Variants in SERF2 observed in about 807,000 individuals in gnomAD.
The protein encoded by SERF2 is gastric cancer-related protein VRG107.
In SERF2, 4 loss-of-function variants were observed where a neutral mutation model predicts 10.7. That is an observed-to-expected ratio of 0.37 (90% CI 0.18 to 0.86). The LOEUF (loss-of-function observed/expected upper bound fraction) is 0.86, where lower values mean the gene tolerates loss of function less well. Ranked by LOEUF, SERF2 falls within the 40% of genes least tolerant of loss-of-function variation. The pLI is 0.43. For missense variants in SERF2, 47 were observed against 79.1 expected, an observed-to-expected ratio of 0.59 and a Z score of 1.54; for synonymous variants, 26 against 26.0, an observed-to-expected ratio of 1.00 and a Z score of 0.01.
chr15:43,795,989 A>C lies in SERF2; in HGVS notation c.*2216A>C. ...GTTGTTGTGAGGGTTAAATTAAATG[A>C]GATTATGTAAAAGTATCTAGCACAG... is the stretch of plus-strand genomic sequence containing the variant. On this transcript the variant is annotated 3_prime_UTR_variant, in exon 3 of 3. Transcript: ENST00000249786. 1.5e-6 allele frequency: 1 copy of C among 659,044 alleles called. No homozygotes were observed. Among genetic ancestry groups the C allele is most frequent in the South Asian group, 1.9e-5 (1 of 52,748 alleles). 40.8% of individuals were successfully genotyped at this position (659,044 alleles called of 1,614,324 possible).
At chr15:43,792,550 AC>A in intron 1 of SERF2, 167 bp downstream of exon 1, 1 of 1,495,720 alleles carries the variant, frequency 6.7e-7, no homozygotes. Context: ...CCCTTTGCCC[AC>A]GGCTACTTCA....
At chr15:43,780,994 C>G (rs1410157190) in intron 1 of SERF2, among the ~76,000 whole-genome samples, 1 of 151,916 alleles carries the variant, frequency 6.6e-6, no homozygotes, top group Admixed American at 6.6e-5. Flanking sequence ...TTAAAGGAAG[C>G]ACTTGATGGC....
upstream of SERF2, among the ~76,000 whole-genome samples, chr15:43,787,915 C>T (rs1463215671): frequency 6.7e-6 from 1 of 148,616 alleles, no homozygotes; most frequent in Non-Finnish European, 1.5e-5. Context: ...CACTCTATCA[C>T]CCAGGCTGGA....
chr15:43,789,591 T>A (rs1049460086), upstream of SERF2, among the ~76,000 whole-genome samples: 5 of 152,224 alleles, frequency 3.3e-5, no homozygotes, highest in African/African-American at 1.2e-4. Context: ...AGAGTCTTCA[T>A]TCAAATTACA....
Position 43,794,224 on chromosome 15 carries a change from A to G in SERF2, c.*451A>G. ...TGACAACCAAACAAGTACTCCGGAT[A>G]TGCAGTAGAGGAATCCTCTAAGAAC... On this transcript the variant is annotated 3_prime_UTR_variant, in exon 3 of 3. Transcript: ENST00000249786. 2.1e-6 allele frequency: 1 copy of G among 475,586 alleles called. No homozygotes were observed. The allele number at this position is 475,586 out of a possible 1,614,324, so 29.5% of individuals were successfully genotyped here.
At chr15:43,791,026 C>T (rs2087053642), upstream of SERF2, among the ~76,000 whole-genome samples, 1 of 151,664 alleles carries the variant, frequency 6.6e-6, no homozygotes. Context: ...CCTCTGCCTC[C>T]CAAAGTGCTG....
Position 43,794,381 on chromosome 15 carries a change from G to A in SERF2, c.*608G>A, listed in dbSNP as rs1286583590. The A allele has an allele frequency of 5.9e-6, 1 of 168,320 alleles. No individual in the cohort carries two copies. Among genetic ancestry groups the A allele is most frequent in the African/African-American group, 2.4e-5 (1 of 41,918 alleles). 10.4% of individuals were successfully genotyped at this position (168,320 alleles called of 1,614,324 possible). A position where few individuals can be genotyped will look rare whatever the true frequency, so the allele number is the denominator to read the frequency against. On this transcript the variant is annotated 3_prime_UTR_variant, in exon 3 of 3. Coordinates refer to ENST00000249786, the MANE Select transcript of SERF2 (RefSeq NM_001018108.4). ...TTCCTCATTCTTCCTCAGTTTGTTC[G>A]TCTGCTTGAAAGTTGGCCAAAAAAT...
At position 43,796,059 on chromosome 15, in the gene SERF2, ATAATC is replaced by A; in HGVS notation, c.*2288_*2292del. ...TACTCAATAAAAGGTAACAGCAGCT[ATAATC>A]TGAGCATTCTGGGTAGAGGTTGGTA... On this transcript the variant is annotated 3_prime_UTR_variant, in exon 3 of 3. Coordinates refer to ENST00000249786, the MANE Select transcript of SERF2 (RefSeq NM_001018108.4). The A allele has an allele frequency of 2.2e-6, 2 of 902,486 alleles. No homozygotes were observed. The highest frequency in any genetic ancestry group is 2.8e-5 in the South Asian group (2 of 71,936). 55.9% of individuals were successfully genotyped at this position (902,486 alleles called of 1,614,324 possible).
At chr15:43,791,281 G>A (rs1321219068), upstream of SERF2, among the ~76,000 whole-genome samples, 1 of 150,202 alleles carries the variant, frequency 6.7e-6, no homozygotes, top group South Asian at 2.1e-4. Flanking sequence ...TCGCACTGTC[G>A]CCTGGGCTGG....
chr15:43,794,107 TC>T lies in SERF2; in HGVS notation c.*337del. 2 of 812,692 alleles carry T rather than the reference TC, an allele frequency of 2.5e-6. No homozygotes were observed. Among genetic ancestry groups the T allele is most frequent in the Non-Finnish European group, 3.7e-6 (2 of 536,464 alleles). 50.3% of individuals were successfully genotyped at this position (812,692 alleles called of 1,614,324 possible). A position where few individuals can be genotyped will look rare whatever the true frequency, so the allele number is the denominator to read the frequency against. On this transcript the variant is annotated 3_prime_UTR_variant, in exon 3 of 3. Transcript: ENST00000249786. The stretch of plus-strand genomic sequence containing the variant: ...TGGGGTTGGAAGAATGACTGCCCTT[TC>T]CCACCAAAAAAGGGAGAACTCTTTA...
intron 1 of SERF2, chr15:43,785,261 G>T (rs1278249936): frequency 6.7e-6 from 1 of 149,536 alleles, no homozygotes; most frequent in Non-Finnish European, 1.5e-5. Flanking sequence ...TAGAGATGAG[G>T]TTTCACCATG....
At chr15:43,784,473 C>T (rs1004879189) in intron 1 of SERF2, among the ~76,000 whole-genome samples, 4 of 151,830 alleles carry the variant, frequency 2.6e-5, no homozygotes, top group Non-Finnish European at 4.4e-5. Context: ...TTAATTAATT[C>T]GTTTGTTTGT....
At chr15:43,779,561 A>C (rs2141666138) in intron 1 of SERF2, among the ~76,000 whole-genome samples, 1 of 152,134 alleles carries the variant, frequency 6.6e-6, no homozygotes, top group Non-Finnish European at 1.5e-5. Context: ...GCACAATCAT[A>C]GTTCACTGCA....
Position 43,793,791 on chromosome 15 carries a change from C to T in SERF2, c.*18C>T. On this transcript the variant is annotated 3_prime_UTR_variant, in exon 3 of 3. Coordinates refer to ENST00000249786, the MANE Select transcript of SERF2 (RefSeq NM_001018108.4). ...CCAAGTAGCTTTGTGGCTTCGTGTC[C>T]AACCCTCTTGCCCTTCGCCTGTGTG... 6.2e-7 allele frequency: 1 copy of T among 1,614,162 alleles called. No homozygotes were observed. The highest frequency in any genetic ancestry group is 8.5e-7 in the Non-Finnish European group (1 of 1,180,022).
rs1372727406 is a variant in SERF2, at chr15:43,795,782, G to A, written c.*2009G>A. The A allele has an allele frequency of 1.3e-6, 2 of 1,591,822 alleles. No individual in the cohort carries two copies. Among genetic ancestry groups the A allele is most frequent in the East Asian group, 2.2e-5 (1 of 44,640 alleles). On this transcript the variant is annotated 3_prime_UTR_variant, in exon 3 of 3. Transcript: ENST00000249786. ...TTTGGAATGGTCTTAAAAGATGTGA[G>A]GGTGTTAATCTAGGAAACTTCCCCC...
rs1360184020 is a variant in SERF2 at position 43,794,237 on chromosome 15, A to C, written c.*464A>C. 2 of 442,212 alleles carry C rather than the reference A, an allele frequency of 4.5e-6. No homozygotes were observed. The highest frequency in any genetic ancestry group is 4.2e-5 in the South Asian group (1 of 24,064). 27.4% of individuals were successfully genotyped at this position (442,212 alleles called of 1,614,324 possible). ...AGTACTCCGGATATGCAGTAGAGGA[A>C]TCCTCTAAGAACCATAGAGACTTCT... On this transcript the variant is annotated 3_prime_UTR_variant, in exon 3 of 3. Transcript: ENST00000249786.
chr15:43,777,247 C>T, exon 1 of SERF2: 3 of 471,568 alleles, frequency 6.4e-6, no homozygotes, highest in Non-Finnish European at 1.3e-5. Flanking sequence ...GCCTTAGTTT[C>T]CCCAGCGACC....
At chr15:43,782,854 C>CT (rs925977577) in intron 1 of SERF2, among the ~76,000 whole-genome samples, 5 of 149,730 alleles carry the variant, frequency 3.3e-5, no homozygotes, top group Admixed American at 1.3e-4. Flanking sequence ...TTTTTTTTTT[C>CT]TTTTTTTTGA....
chr15:43,782,797 G>A (rs975185514), intron 1 of SERF2, among the ~76,000 whole-genome samples: 1 of 151,822 alleles, frequency 6.6e-6, no homozygotes, highest in African/African-American at 2.4e-5. Context: ...GGAAGCTTTT[G>A]GACAAATCCT....
Sources: allele counts gnomAD v4.1 joint callset (sites outside exome capture counted in the v4.1 genomes callset), GRCh38; gene constraint gnomAD v4.1.1; transcripts MANE v1.5; gene names NCBI Gene and HGNC (gene_info 2026-07-23, HGNC 2026-07-21).